Variants in STK33 observed in about 807,000 individuals in gnomAD.
STK33 encodes the protein serine/threonine kinase 33.
STK33 carries 52 observed loss-of-function variants against 58.0 expected under a neutral mutation model. The ratio of observed to expected loss-of-function variants is 0.90; its 90% CI spans 0.72 to 1.13. STK33 has a LOEUF of 1.13. Ranked by LOEUF, STK33 falls within the 50% of genes most tolerant of loss-of-function variation. The pLI is 0.00. For missense variants in STK33, 630 were observed against 604.2 expected, an observed-to-expected ratio of 1.04 and a Z score of -0.45; for synonymous variants, 215 against 200.1, an observed-to-expected ratio of 1.07 and a Z score of -0.63.
At position 8,474,922 on chromosome 11, in the gene STK33, C is replaced by A; in HGVS notation, c.-17G>T. 6.5e-7 allele frequency: 1 copy of A among 1,548,164 alleles called. No homozygotes were observed. Among genetic ancestry groups the A allele is most frequent in the Non-Finnish European group, 8.7e-7 (1 of 1,149,584 alleles). ...ATCAGCCATTTGTTTAACTCTGCAA[C>A]AAAAGCAACTTTAAAAATGTTTCCA... is the stretch of plus-strand genomic sequence containing the variant. On this transcript the variant is annotated 5_prime_UTR_variant, in exon 5 of 16. Coordinates refer to ENST00000687296, the MANE Select transcript of STK33 (RefSeq NM_001352389.2).
intron 10 of STK33, 57 bp downstream of exon 10, chr11:8,454,687 G>T: frequency 6.6e-7 from 1 of 1,506,348 alleles, no homozygotes; most frequent in Non-Finnish European, 8.9e-7. Context: ...GATGTACTTT[G>T]CCACTTTGCT....
rs1234916191 is a variant in STK33, at chr11:8,553,191, TATATATGGTGTA to T, written c.-466+40880_-466+40891del. ...AAATATATATATATATATATATATA[TATATATGGTGTA>T]TATATATATATATATATATATGGTG... On this transcript the variant is annotated intron_variant, in intron 1 of 15. Coordinates refer to ENST00000687296, the MANE Select transcript of STK33 (RefSeq NM_001352389.2). Among the ~76,000 whole-genome samples, 3 of 75,400 alleles carry T rather than the reference TATATATGGTGTA, an allele frequency of 4.0e-5. 1 individual carries two copies. Among genetic ancestry groups the T allele is most frequent in the African/African-American group, 2.2e-4 (3 of 13,544 alleles). The allele number at this position is 75,400 out of a possible 152,430, so 49.5% of individuals were successfully genotyped here.
At chr11:8,356,824 G>C in the STK33 span, among the ~76,000 whole-genome samples, 1 of 152,144 alleles carries the variant, frequency 6.6e-6, no homozygotes, top group Non-Finnish European at 1.5e-5. Flanking sequence ...TGTCTATGGA[G>C]GTCCAAGGCC....
chr11:8,471,476 T>C (rs1252648243), intron 6 of STK33, among the ~76,000 whole-genome samples: 1 of 152,154 alleles, frequency 6.6e-6, no homozygotes, highest in African/African-American at 2.4e-5. Flanking sequence ...ATATAAGATA[T>C]GATTTCATTA....
chr11:8,414,979 T>C (rs1230783329), intron 14 of STK33, among the ~76,000 whole-genome samples: 1 of 152,050 alleles, frequency 6.6e-6, no homozygotes, highest in Non-Finnish European at 1.5e-5. Context: ...ACAGTAACCA[T>C]TAAAGAGCTG....
chr11:8,509,716 A>C (rs1293834777), intron 1 of STK33, among the ~76,000 whole-genome samples: 1 of 152,078 alleles, frequency 6.6e-6, no homozygotes, highest in African/African-American at 2.4e-5. Context: ...ATGCCTTTGC[A>C]TCCTCATAGT....
the STK33 span, among the ~76,000 whole-genome samples, chr11:8,340,864 GGTTT>G: frequency 2.0e-5 from 3 of 152,092 alleles, no homozygotes; most frequent in Non-Finnish European, 4.4e-5. Flanking sequence ...GTTTTGTTTT[GGTTT>G]GTTTTTTTGA....
At chr11:8,376,232 A>T in the STK33 span, among the ~76,000 whole-genome samples, 39 of 152,256 alleles carry the variant, frequency 2.6e-4, 1 homozygote, top group South Asian at 8.1e-3. Flanking sequence ...CCTGGGCAGG[A>T]GGGGGCAGAA....
At position 8,473,176 on chromosome 11, in the gene STK33, C is replaced by G. The variant is rs1207229910; in HGVS notation, c.326G>C (p.Gly109Ala). ...CTTTCTATATACCTCAATAGCAGCT[C>G]CATTCTCAATCCTTATGTGAGGAAC... Reference protein sequence around the residue: ...GKVPHIRIENGAAIEEIYTFG... With the variant: ...GKVPHIRIENAAAIEEIYTFG... The change falls in exon 6 of 16, where the codon GGA (glycine) becomes GCA (alanine). Residue 109 changes from glycine (G) to alanine (A), a missense_variant. Gly to Ala is a moderately conservative substitution (Grantham distance 60). Coordinates refer to ENST00000687296, the MANE Select transcript of STK33 (RefSeq NM_001352389.2). 2 of 1,611,478 alleles carry G rather than the reference C, an allele frequency of 1.2e-6. No individual in the cohort carries two copies. Among genetic ancestry groups the G allele is most frequent in the African/African-American group, 1.3e-5 (1 of 74,856 alleles).
chr11:8,479,485 C>A (rs1374843303), intron 2 of STK33, among the ~76,000 whole-genome samples: 2 of 150,614 alleles, frequency 1.3e-5, no homozygotes, highest in East Asian at 3.9e-4. Context: ...AGTGGATAAA[C>A]CAGGAAACCC....
chr11:8,386,498 G>A, the STK33 span, among the ~76,000 whole-genome samples: 1 of 152,332 alleles, frequency 6.6e-6, no homozygotes, highest in East Asian at 1.9e-4. Context: ...AAACAGCAAT[G>A]AGGATCCTGA....
intron 1 of STK33, among the ~76,000 whole-genome samples, chr11:8,487,897 G>C (rs542591111): frequency 1.3e-5 from 2 of 152,306 alleles, no homozygotes; most frequent in Admixed American, 1.3e-4. Context: ...ATGCATGTGT[G>C]AATGAATGAA....
chr11:8,364,419 T>C, the STK33 span, among the ~76,000 whole-genome samples: 1 of 152,384 alleles, frequency 6.6e-6, no homozygotes, highest in East Asian at 1.9e-4. Context: ...CTGCACACTT[T>C]GCTGTGTGTG....
At chr11:8,457,816 G>T (rs777771879) in intron 8 of STK33, among the ~76,000 whole-genome samples, 1 of 152,210 alleles carries the variant, frequency 6.6e-6, no homozygotes, top group Admixed American at 6.5e-5. Context: ...TGTCTGAATA[G>T]GGATTTATAG....
intron 1 of STK33, among the ~76,000 whole-genome samples, chr11:8,591,719 G>A (rs181437890): frequency 1.3e-5 from 2 of 151,778 alleles, no homozygotes; most frequent in South Asian, 4.2e-4. Context: ...ATCATTCTCC[G>A]CAAACTATCG....
In STK33 at chr11:8,521,253, G is replaced by A. The variant is rs914519670; in HGVS notation, c.-465-40639C>T. On this transcript the variant is annotated intron_variant, in intron 1 of 15. Coordinates refer to ENST00000687296, the MANE Select transcript of STK33 (RefSeq NM_001352389.2). ...ATATAAGGCTACAGTAACCAAAACA[G>A]CATGGTACTGGTACCAAAACAGAGA... Among the ~76,000 whole-genome samples the A allele has an allele frequency of 3.9e-5, 6 of 152,050 alleles. No individual in the cohort carries two copies. The East Asian group carries it at 1.2e-3, about 29-fold the overall frequency.
chr11:8,363,497 C>G, the STK33 span, among the ~76,000 whole-genome samples: 1 of 152,106 alleles, frequency 6.6e-6, no homozygotes, highest in Non-Finnish European at 1.5e-5. Context: ...GGCTTCTACC[C>G]CCATAGATTA....
intron 1 of STK33, among the ~76,000 whole-genome samples, chr11:8,495,505 G>A (rs953943024): frequency 6.6e-6 from 1 of 152,186 alleles, no homozygotes; most frequent in East Asian, 1.9e-4. Flanking sequence ...TGGTGGGAGT[G>A]TAAACTAGTT....
At chr11:8,552,671 A>T (rs1202046839) in intron 1 of STK33, among the ~76,000 whole-genome samples, 1 of 152,100 alleles carries the variant, frequency 6.6e-6, no homozygotes. Flanking sequence ...AAGGATCATC[A>T]ATATCACTGT....
Sources: gnomAD v4.1 joint callset for allele counts (sites outside exome capture counted in the v4.1 genomes callset) on GRCh38, gnomAD v4.1.1 for gene constraint, MANE v1.5 for transcripts, NCBI Gene and HGNC (gene_info 2026-07-23, HGNC 2026-07-21) for gene names.